Variants in CEP83 observed in about 807,000 individuals in gnomAD.
The protein encoded by CEP83 is centrosomal protein 83.
In CEP83, 70 loss-of-function variants were observed where a neutral mutation model predicts 101.9. The ratio of observed to expected loss-of-function variants is 0.69; its 90% confidence interval spans 0.57 to 0.84. The LOEUF is 0.84. Among genes scored for constraint, CEP83 ranks in the 40% least tolerant of loss-of-function variants. The pLI is 0.00. For synonymous variants in CEP83, 264 were observed against 267.9 expected, an observed-to-expected ratio of 0.99 and a Z score of 0.14; for missense variants, 715 against 787.2, an observed-to-expected ratio of 0.91 and a Z score of 1.10.
chr12:94,304,061 T>A, downstream of CEP83: 1 of 1,453,440 alleles, frequency 6.9e-7, no homozygotes, highest in Non-Finnish European at 9.6e-7. Context: ...GGTAAGATTT[T>A]AAATAACATT....
chr12:94,317,764 ATTGAT>A (rs999321314), intron 14 of CEP83, among the ~76,000 whole-genome samples: 1 of 151,982 alleles, frequency 6.6e-6, no homozygotes, highest in Non-Finnish European at 1.5e-5. Flanking sequence ...ATTCTGTTCC[ATTGAT>A]TTATGTGTTT....
the CEP83 span, among the ~76,000 whole-genome samples, chr12:94,271,854 G>T: frequency 6.6e-6 from 1 of 152,212 alleles, no homozygotes; most frequent in Non-Finnish European, 1.5e-5. Context: ...TATTGATGAT[G>T]TGGGATGTGG....
At chr12:94,360,769 A>C (rs2060714150) in intron 11 of CEP83, among the ~76,000 whole-genome samples, 2 of 152,150 alleles carry the variant, frequency 1.3e-5, no homozygotes, top group South Asian at 4.1e-4. Context: ...ATTTGCATGG[A>C]GTCACAAGAC....
Position 94,458,987 on chromosome 12 carries a change from A to G in CEP83, c.-155+570T>C, listed in dbSNP as rs528307636. ...AACCCACTCTGTTTTAGAGCTGCTT[A>G]AAGTCTGAACAGATTATGAAGTATA... is the stretch of plus-strand genomic sequence containing the variant. On this transcript the variant is annotated intron_variant, in intron 1 of 16. Coordinates refer to ENST00000397809, the MANE Select transcript of CEP83 (RefSeq NM_016122.3). Among the ~76,000 whole-genome samples the G allele has an allele frequency of 2.0e-5, 3 of 152,374 alleles. No individual in the cohort carries two copies. The South Asian group carries it at 6.2e-4, about 32-fold the overall frequency.
At chr12:94,434,671 A>T (rs1470260766) in intron 2 of CEP83, among the ~76,000 whole-genome samples, 2 of 152,178 alleles carry the variant, frequency 1.3e-5, no homozygotes, top group Non-Finnish European at 1.5e-5. Flanking sequence ...CAGATTTTGA[A>T]TTTTTTCAGA....
chr12:94,274,162 A>T, the CEP83 span, among the ~76,000 whole-genome samples: 1 of 129,800 alleles, frequency 7.7e-6, no homozygotes. Context: ...CTCTAAAAAA[A>T]AAAAAAAAAA....
At chr12:94,446,578 C>A (rs775919894) in intron 1 of CEP83, among the ~76,000 whole-genome samples, 2 of 151,824 alleles carry the variant, frequency 1.3e-5, no homozygotes, top group Admixed American at 1.3e-4. Flanking sequence ...TGTGGTGGTG[C>A]GCACCTATAG....
chr12:94,267,528 T>G, the CEP83 span, among the ~76,000 whole-genome samples: 1 of 152,184 alleles, frequency 6.6e-6, no homozygotes, highest in African/African-American at 2.4e-5. Flanking sequence ...GAAATCCACA[T>G]AAATCTTCCT....
chr12:94,428,052 G>A (rs1186636952), intron 2 of CEP83, among the ~76,000 whole-genome samples: 1 of 152,164 alleles, frequency 6.6e-6, no homozygotes, highest in Non-Finnish European at 1.5e-5. Context: ...GTATTCAAGT[G>A]GTTAGCAATC....
downstream of CEP83, among the ~76,000 whole-genome samples, chr12:94,301,989 G>A (rs567939065): frequency 5.9e-5 from 9 of 152,068 alleles, no homozygotes; most frequent in Middle Eastern, 3.4e-3. Context: ...CCTTCATCCC[G>A]TCCCTACTGG....
At chr12:94,355,711 C>T (rs1407912755) in intron 11 of CEP83, among the ~76,000 whole-genome samples, 1 of 152,178 alleles carries the variant, frequency 6.6e-6, no homozygotes, top group Non-Finnish European at 1.5e-5. Flanking sequence ...TGTGGGTTTA[C>T]AGGAACGAGG....
intron 15 of CEP83, among the ~76,000 whole-genome samples, chr12:94,310,554 T>C (rs1327929107): frequency 6.6e-6 from 1 of 152,184 alleles, no homozygotes; most frequent in South Asian, 2.1e-4. Context: ...ATACAAGTCC[T>C]GCAGTCAGCC....
the CEP83 span, among the ~76,000 whole-genome samples, chr12:94,273,484 G>C: frequency 6.6e-6 from 1 of 152,022 alleles, no homozygotes; most frequent in African/African-American, 2.4e-5. Context: ...AGCTCTTTGC[G>C]ACCCAATTCA....
chr12:94,423,376 G>A lies in CEP83; in HGVS notation c.-101-10785C>T, dbSNP rs1191662711. Among the ~76,000 whole-genome samples the A allele has an allele frequency of 3.3e-5, 5 of 150,748 alleles. No homozygotes were observed. In the East Asian group the frequency reaches 7.8e-4, roughly 23 times the overall value. On this transcript the variant is annotated intron_variant, in intron 2 of 16. Transcript: ENST00000397809. Reference sequence around the variant, plus strand: ...TGGGATTACAGGTGTGAGCCACCATGTCCAGCCAACATATTGAGAATTCTG... The same window carrying A: ...TGGGATTACAGGTGTGAGCCACCATATCCAGCCAACATATTGAGAATTCTG...
intron 6 of CEP83, among the ~76,000 whole-genome samples, chr12:94,391,983 CATAA>C (rs1288057759): frequency 2.0e-5 from 3 of 152,184 alleles, no homozygotes; most frequent in African/African-American, 7.2e-5. Flanking sequence ...CACCCAGATT[CATAA>C]AGTAAGTCCT....
intron 1 of CEP83, among the ~76,000 whole-genome samples, chr12:94,436,333 A>T (rs531062686): frequency 2.1e-4 from 32 of 152,180 alleles, no homozygotes; most frequent in East Asian, 7.7e-4. Flanking sequence ...AATAAAAAAA[A>T]AAATAAAAAA....
the CEP83 span, among the ~76,000 whole-genome samples, chr12:94,285,658 C>T: frequency 5.9e-5 from 9 of 152,158 alleles, no homozygotes; most frequent in Admixed American, 3.9e-4. Context: ...AAAAACACGG[C>T]CCCAGAGGGA....
At chr12:94,281,603 A>T in the CEP83 span, among the ~76,000 whole-genome samples, 19 of 84,312 alleles carry the variant, frequency 2.3e-4, no homozygotes, top group Admixed American at 3.6e-4. Flanking sequence ...AAAAAATTTT[A>T]TAGAGACAAG....
intron 7 of CEP83, among the ~76,000 whole-genome samples, chr12:94,378,317 T>C (rs570442902): frequency 7.2e-5 from 11 of 152,306 alleles, no homozygotes; most frequent in Admixed American, 2.0e-4. Flanking sequence ...AAGGCATGTA[T>C]ACCTTTACAG....
Sources: allele counts gnomAD v4.1 joint callset (sites outside exome capture counted in the v4.1 genomes callset), GRCh38; gene constraint gnomAD v4.1.1; transcripts MANE v1.5; gene names NCBI Gene and HGNC (gene_info 2026-07-23, HGNC 2026-07-21).